The following SEM1 variants were observed in gnomAD, a reference collection of about 807,000 sequenced individuals.
SEM1 encodes the protein 26S proteasome complex subunit SEM1.
In SEM1, 3 loss-of-function variants were observed where a neutral mutation model predicts 12.7. That is an observed-to-expected ratio of 0.24 (90% CI 0.11 to 0.61). SEM1 has a LOEUF of 0.61. SEM1 is among the 20% of genes least tolerant of loss of function. The probability of loss-of-function intolerance (pLI) is 0.88; values close to 1 mark genes in which losing one functional copy is unlikely to be tolerated. For missense variants in SEM1, 59 were observed against 81.3 expected (o/e 0.73, Z 1.06); for synonymous variants, 30 against 27.8 (o/e 1.08, Z -0.25).
At chr7:96,633,387 C>T (rs148356988) in intron 2 of SEM1, among the ~76,000 whole-genome samples, 7 of 152,064 alleles carry the variant, frequency 4.6e-5, no homozygotes, top group African/African-American at 1.7e-4. Flanking sequence ...GCATTAAACA[C>T]GGGGTTGGAT....
intron 2 of SEM1, among the ~76,000 whole-genome samples, chr7:96,547,625 T>G (rs1450676062): frequency 6.6e-6 from 1 of 152,144 alleles, no homozygotes; most frequent in Non-Finnish European, 1.5e-5. Flanking sequence ...CACCACTAAT[T>G]TGGTTCTCTG....
intron 2 of SEM1, among the ~76,000 whole-genome samples, chr7:96,693,664 T>C (rs1053487512): frequency 4.6e-5 from 7 of 151,864 alleles, no homozygotes; most frequent in Non-Finnish European, 1.0e-4. Flanking sequence ...GTACGAACGC[T>C]AGTGAGAACA....
At chr7:96,592,748 T>C (rs1327861142) in intron 2 of SEM1, among the ~76,000 whole-genome samples, 2 of 151,872 alleles carry the variant, frequency 1.3e-5, no homozygotes, top group Non-Finnish European at 2.9e-5. Context: ...CAAGCTCCTC[T>C]GAGGAGAAAA....
chr7:96,574,223 A>G (rs544144230), intron 2 of SEM1, among the ~76,000 whole-genome samples: 8 of 152,174 alleles, frequency 5.3e-5, no homozygotes, highest in African/African-American at 1.9e-4. Context: ...GCTGAGAATG[A>G]TGGTTTCCAG....
At chr7:96,535,822 G>A (rs1039771230) in intron 2 of SEM1, among the ~76,000 whole-genome samples, 82 of 151,842 alleles carry the variant, frequency 5.4e-4, no homozygotes, top group African/African-American at 1.9e-3. Flanking sequence ...AGTATTCCAT[G>A]GTATACATGT....
chr7:96,572,304 T>A (rs964898054), intron 2 of SEM1, among the ~76,000 whole-genome samples: 2 of 152,206 alleles, frequency 1.3e-5, no homozygotes, highest in Non-Finnish European at 2.9e-5. Flanking sequence ...TGATCTTAGT[T>A]ATTTCTTGTC....
rs140916561 is a variant in SEM1 at position 96,567,121 on chromosome 7, T to C, written c.171-60423A>G. On this transcript the variant is annotated intron_variant and NMD_transcript_variant, in intron 2 of 3. Coordinates refer to the SEM1 transcript ENST00000466986. The stretch of plus-strand genomic sequence containing the variant: ...ACTCTAAAAATTATCTGTGAAGTAA[T>C]TTCATTGGAATAAAATTAATGTATA... Among the ~76,000 whole-genome samples the C allele has an allele frequency of 5.5e-4, 84 of 151,716 alleles. No homozygotes were observed. In the East Asian group the frequency reaches 0.016, roughly 29 times the overall value.
chr7:96,488,165 C>T (rs1007166224), intron 1 of SEM1, among the ~76,000 whole-genome samples: 8 of 151,898 alleles, frequency 5.3e-5, no homozygotes, highest in African/African-American at 1.7e-4. Flanking sequence ...TGTACTATGA[C>T]GCATGAGAGA....
chr7:96,513,815 C>T (rs1427153457), intron 2 of SEM1, among the ~76,000 whole-genome samples: 3 of 151,924 alleles, frequency 2.0e-5, no homozygotes, highest in Non-Finnish European at 2.9e-5. Context: ...GGCAGCAGAG[C>T]AAGACTCTGT....
chr7:96,510,551 C>A (rs1214912003), intron 2 of SEM1, among the ~76,000 whole-genome samples: 1 of 152,116 alleles, frequency 6.6e-6, no homozygotes, highest in Non-Finnish European at 1.5e-5. Context: ...CTGACCAAAG[C>A]ATGGTTATGT....
intron 2 of SEM1, among the ~76,000 whole-genome samples, chr7:96,517,733 A>T (rs956401107): frequency 1.3e-5 from 2 of 152,118 alleles, no homozygotes; most frequent in Non-Finnish European, 2.9e-5. Context: ...CATATGTGTT[A>T]AGTTTGGTCT....
chr7:96,632,414 G>A (rs997843505), intron 2 of SEM1, among the ~76,000 whole-genome samples: 1 of 152,114 alleles, frequency 6.6e-6, no homozygotes, highest in African/African-American at 2.4e-5. Flanking sequence ...GGACATGGAT[G>A]AAGCTGGAAA....
At chr7:96,605,308 G>T in intron 2 of SEM1, among the ~76,000 whole-genome samples, 1 of 152,120 alleles carries the variant, frequency 6.6e-6, no homozygotes, top group Non-Finnish European at 1.5e-5. Flanking sequence ...GAACTATGGT[G>T]TCTTGAATTT....
At chr7:96,587,986 G>T (rs552301053) in intron 2 of SEM1, among the ~76,000 whole-genome samples, 1 of 152,050 alleles carries the variant, frequency 6.6e-6, no homozygotes, top group African/African-American at 2.4e-5. Context: ...TGTTAACAAC[G>T]AAGTATTATA....
At position 96,567,506 on chromosome 7, in the gene SEM1, C is replaced by T. The variant is rs1025706715; in HGVS notation, c.171-60808G>A. Among the ~76,000 whole-genome samples, 16 of 150,514 alleles carry T rather than the reference C, an allele frequency of 1.1e-4. No homozygotes were observed. The East Asian group carries it at 3.1e-3, about 29-fold the overall frequency. ...TCTTCAAACCTTTGTATTTTTTTTCCTTTCCAATTCCACATTTATAACCTC... is the reference window on the plus strand; with the variant it reads ...TCTTCAAACCTTTGTATTTTTTTTCTTTTCCAATTCCACATTTATAACCTC... On this transcript the variant is annotated intron_variant and NMD_transcript_variant, in intron 2 of 3. Coordinates refer to the SEM1 transcript ENST00000466986.
chr7:96,635,825 G>C (rs751001602), intron 2 of SEM1, among the ~76,000 whole-genome samples: 55 of 152,076 alleles, frequency 3.6e-4, no homozygotes, highest in Middle Eastern at 6.8e-3. Context: ...GCTAAAATCA[G>C]TTCAAACCAG....
chr7:96,576,675 A>G (rs878934432), intron 2 of SEM1, among the ~76,000 whole-genome samples: 1 of 152,058 alleles, frequency 6.6e-6, no homozygotes, highest in Non-Finnish European at 1.5e-5. Flanking sequence ...TCTTTCCTCA[A>G]TTCCATCATT....
At chr7:96,620,999 G>A (rs1195929973), downstream of SEM1, among the ~76,000 whole-genome samples, 2 of 152,012 alleles carry the variant, frequency 1.3e-5, no homozygotes, top group African/African-American at 4.8e-5. Flanking sequence ...CTTCCAGGAC[G>A]CCCTCTGAGG....
chr7:96,541,529 T>C (rs1036354078), intron 2 of SEM1, among the ~76,000 whole-genome samples: 2 of 151,444 alleles, frequency 1.3e-5, no homozygotes, highest in African/African-American at 4.8e-5. Flanking sequence ...TTGCAAATAT[T>C]TTCTTGCATT....
Sources: allele counts gnomAD v4.1 joint callset (sites outside exome capture counted in the v4.1 genomes callset), GRCh38; gene constraint gnomAD v4.1.1; transcripts MANE v1.5; gene names NCBI Gene and HGNC (gene_info 2026-07-23, HGNC 2026-07-21).